Variants in DHRSX observed in about 807,000 individuals in gnomAD.
DHRSX encodes the protein polyprenol dehydrogenase.
Under a neutral mutation model 34.0 loss-of-function variants are expected in DHRSX, and 31 were observed. The observed-to-expected ratio is 0.91, with a 90% CI of 0.69 to 1.23. DHRSX has a LOEUF of 1.23. Ranked by LOEUF, DHRSX falls within the 50% of genes most tolerant of loss-of-function variation. The pLI is 0.00. For missense variants in DHRSX, 414 were observed against 428.1 expected (o/e 0.97, Z 0.29); for synonymous variants, 201 against 183.8 (o/e 1.09, Z -0.76).
intron 3 of DHRSX, among the ~76,000 whole-genome samples, chrX:2,356,339 C>A (rs1212605732): frequency 6.6e-6 from 1 of 152,112 alleles, no homozygotes; most frequent in East Asian, 1.9e-4. Flanking sequence ...CGTGCCACTG[C>A]ACTCCAGCCT....
At chrX:2,355,610 C>G (rs1347970045) in intron 3 of DHRSX, among the ~76,000 whole-genome samples, 1 of 146,776 alleles carries the variant, frequency 6.8e-6, no homozygotes, top group Non-Finnish European at 1.5e-5. Flanking sequence ...ATATTCATAT[C>G]AGATAAAAAA....
chrX:2,371,630 T>A (rs913608087), intron 3 of DHRSX, among the ~76,000 whole-genome samples: 4 of 147,956 alleles, frequency 2.7e-5, no homozygotes, highest in Non-Finnish European at 5.9e-5. Context: ...TCCTTCCTCC[T>A]CCCGTTACCA....
chrX:2,399,508 C>T (rs1252734336), intron 3 of DHRSX, among the ~76,000 whole-genome samples: 3 of 151,124 alleles, frequency 2.0e-5, no homozygotes, highest in Non-Finnish European at 4.4e-5. Context: ...AGATCAAGAC[C>T]ATCCTGGCTA....
At chrX:2,498,440 C>G (rs1427544819) in intron 1 of DHRSX, among the ~76,000 whole-genome samples, 2 of 152,036 alleles carry the variant, frequency 1.3e-5, no homozygotes, top group African/African-American at 4.8e-5. Context: ...CCACTGGTAT[C>G]GAAAATTATT....
intron 3 of DHRSX, among the ~76,000 whole-genome samples, chrX:2,307,592 T>G (rs764143252): frequency 6.6e-6 from 1 of 151,686 alleles, no homozygotes; most frequent in Non-Finnish European, 1.5e-5. Flanking sequence ...GGTGAAACCC[T>G]GTCTCTACTA....
At chrX:2,272,073 T>A (rs1261560081) in intron 4 of DHRSX, among the ~76,000 whole-genome samples, 1 of 151,622 alleles carries the variant, frequency 6.6e-6, no homozygotes, top group Non-Finnish European at 1.5e-5. Flanking sequence ...GTCTGTTTCT[T>A]GCAGCACAAC....
chrX:2,266,940 C>T lies in DHRSX; in HGVS notation c.396G>A (p.Val132=), dbSNP rs771423972. ...TGGTTTTCCTCTGAGGGACCATCAT[C>T]ACCCCAGCTGGACAAAAGAGAATAT... ...PLHVLINNAG[V]MMVPQRKTRD... Residue 132 remains valine (V), a synonymous_variant, in exon 5 of 7, where the codon GTG becomes GTA. Transcript: ENST00000334651. 6 of 1,613,982 alleles carry T rather than the reference C, an allele frequency of 3.7e-6. No individual in the cohort carries two copies. The South Asian group carries it at 4.4e-5, about 12-fold the overall frequency.
chrX:2,469,687 T>C (rs1328534205), intron 1 of DHRSX, among the ~76,000 whole-genome samples: 2 of 151,524 alleles, frequency 1.3e-5, no homozygotes, highest in Non-Finnish European at 2.9e-5. Flanking sequence ...ACTAAGAATA[T>C]GACTAAGGGA....
At chrX:2,397,832 C>G (rs973120768) in intron 3 of DHRSX, among the ~76,000 whole-genome samples, 1 of 152,092 alleles carries the variant, frequency 6.6e-6, no homozygotes, top group African/African-American at 2.4e-5. Flanking sequence ...ACTTATTAAA[C>G]ATGCCCCAGG....
At chrX:2,475,494 G>C (rs61528824) in intron 1 of DHRSX, among the ~76,000 whole-genome samples, 30,886 of 148,848 alleles carry the variant, frequency 0.21, 4,186 homozygotes, top group African/African-American at 0.39. Flanking sequence ...CCTAACCATG[G>C]GGCCAACAGA....
intron 4 of DHRSX, among the ~76,000 whole-genome samples, chrX:2,273,159 C>T (rs1000763962): frequency 6.6e-6 from 1 of 152,148 alleles, no homozygotes; most frequent in Admixed American, 6.6e-5. Context: ...CACCACTGCA[C>T]TCCAGCCTGG....
chrX:2,338,626 G>A (rs923809300), intron 3 of DHRSX, among the ~76,000 whole-genome samples: 129 of 151,862 alleles, frequency 8.5e-4, no homozygotes, highest in Non-Finnish European at 1.6e-3. Flanking sequence ...GGCGTCTCCC[G>A]TCTGTCTTCC....
At chrX:2,355,901 A>G (rs2042844943) in intron 3 of DHRSX, among the ~76,000 whole-genome samples, 1 of 151,162 alleles carries the variant, frequency 6.6e-6, no homozygotes, top group African/African-American at 2.4e-5. Flanking sequence ...CCCCATCTCT[A>G]CTAAAAATAC....
At chrX:2,345,609 G>A in intron 3 of DHRSX, among the ~76,000 whole-genome samples, 1 of 147,060 alleles carries the variant, frequency 6.8e-6, no homozygotes, top group South Asian at 2.2e-4. Context: ...ATCGCACCGA[G>A]ATCGCATCGT....
At chrX:2,439,665 G>A (rs2044039519) in intron 1 of DHRSX, among the ~76,000 whole-genome samples, 1 of 152,262 alleles carries the variant, frequency 6.6e-6, no homozygotes, top group Admixed American at 6.5e-5. Context: ...TCCCATCTGC[G>A]TGCGGGTGAT....
At position 2,482,328 on chromosome X, in the gene DHRSX, T is replaced by G. The variant is rs767423318; in HGVS notation, c.109+18489A>C. 3.3e-5 allele frequency among the ~76,000 whole-genome samples: 5 copies of G among 152,136 alleles called. No individual in the cohort carries two copies. In the East Asian group the frequency reaches 7.7e-4, roughly 24 times the overall value. ...ATTGTTACTAGAGACAAGGTCTCAG[T>G]ATGTTGACCAGGCTGGTCTCAAACC... On this transcript the variant is annotated intron_variant, in intron 1 of 6. Coordinates refer to ENST00000334651, the MANE Select transcript of DHRSX (RefSeq NM_145177.3).
rs1428614734 is a variant in DHRSX, at chrX:2,254,955, CT to C, written c.597-11726del. Reference sequence around the variant, plus strand: ...ACTGTGCCTGCCCCACGCCCCCCCCCTTTTTTTTCTTTTTTTTTTTTTGAGA... The same window carrying C: ...ACTGTGCCTGCCCCACGCCCCCCCCCTTTTTTTCTTTTTTTTTTTTTGAGA... On this transcript the variant is annotated intron_variant, in intron 5 of 6. Coordinates refer to ENST00000334651, the MANE Select transcript of DHRSX (RefSeq NM_145177.3). Among the ~76,000 whole-genome samples the C allele has an allele frequency of 6.6e-4, 90 of 137,336 alleles. 1 individual carries two copies. The highest frequency in any genetic ancestry group is 2.3e-3 in the African/African-American group (80 of 35,136). The allele number at this position is 137,336 out of a possible 152,430, so 90.1% of individuals were successfully genotyped here.
At chrX:2,488,874 C>A (rs201137609) in intron 1 of DHRSX, 2 of 1,612,404 alleles carry the variant, frequency 1.2e-6, no homozygotes, top group Non-Finnish European at 1.7e-6. Flanking sequence ...TCAGGGGCGA[C>A]GCGCGTGGCC....
chrX:2,323,243 C>T (rs1052946667), intron 3 of DHRSX, among the ~76,000 whole-genome samples: 4 of 152,156 alleles, frequency 2.6e-5, no homozygotes, highest in African/African-American at 9.7e-5. Flanking sequence ...ATAGCCACAC[C>T]ATGGTAGAGC....
Sources: gnomAD v4.1 joint callset for allele counts (sites outside exome capture counted in the v4.1 genomes callset) on GRCh38, gnomAD v4.1.1 for gene constraint, MANE v1.5 for transcripts, NCBI Gene and HGNC (gene_info 2026-07-23, HGNC 2026-07-21) for gene names.